The following NOX4 variants were observed in gnomAD, a reference collection of about 807,000 sequenced individuals.
The protein encoded by NOX4 is NADPH oxidase 4.
In NOX4, 69 loss-of-function variants were observed where a neutral mutation model predicts 87.6. That is an observed-to-expected ratio of 0.79 (90% confidence interval 0.65 to 0.96). NOX4 has a LOEUF of 0.96. Among genes scored for constraint, NOX4 ranks in the 40% least tolerant of loss-of-function variants. The pLI is 0.00. For synonymous variants in NOX4, 275 were observed against 238.2 expected (o/e 1.15, Z -1.42); for missense variants, 680 against 681.5 (o/e 1.00, Z 0.02).
chr11:89,395,521 G>T (rs1941424889), intron 11 of NOX4, among the ~76,000 whole-genome samples: 1 of 152,144 alleles, frequency 6.6e-6, no homozygotes, highest in East Asian at 1.9e-4. Context: ...GATCCCATTT[G>T]CCTATTTTGG....
At chr11:89,330,230 T>C (rs999003732) in intron 17 of NOX4, among the ~76,000 whole-genome samples, 1 of 152,008 alleles carries the variant, frequency 6.6e-6, no homozygotes, top group Non-Finnish European at 1.5e-5. Flanking sequence ...GCAACTGTAG[T>C]TCCAGCTACT....
chr11:89,477,715 T>C (rs776279512), intron 2 of NOX4, among the ~76,000 whole-genome samples: 11 of 152,176 alleles, frequency 7.2e-5, no homozygotes, highest in Non-Finnish European at 1.0e-4. Flanking sequence ...AATAATTCAC[T>C]GTTACTCTCC....
intron 8 of NOX4, among the ~76,000 whole-genome samples, chr11:89,405,604 A>T (rs1942124980): frequency 6.6e-6 from 1 of 150,822 alleles, no homozygotes; most frequent in Non-Finnish European, 1.5e-5. Context: ...CTAAAGACAG[A>T]CAATGATAAA....
chr11:89,465,136 C>T lies in NOX4; in HGVS notation c.154-13241G>A, dbSNP rs547419667. 2.6e-5 allele frequency among the ~76,000 whole-genome samples: 4 copies of T among 152,250 alleles called. No individual in the cohort carries two copies. In the South Asian group the frequency reaches 8.3e-4, roughly 32 times the overall value. ...GTATTTCTCCTAATGCTATCCCTCC[C>T]CTAGCCCCCCACCACCCAACAAGCC... On this transcript the variant is annotated intron_variant, in intron 2 of 17. Transcript: ENST00000263317.
chr11:89,519,267 T>A, the NOX4 span, among the ~76,000 whole-genome samples: 2 of 152,026 alleles, frequency 1.3e-5, no homozygotes, highest in Non-Finnish European at 2.9e-5. Context: ...GAAAATATCT[T>A]GTATTTTTAA....
At chr11:89,423,755 T>A (rs902403779) in intron 7 of NOX4, among the ~76,000 whole-genome samples, 1 of 151,520 alleles carries the variant, frequency 6.6e-6, no homozygotes. Flanking sequence ...TCCTTAAAAA[T>A]ATATATATAT....
the NOX4 span, among the ~76,000 whole-genome samples, chr11:89,517,213 G>T: frequency 6.6e-6 from 1 of 151,874 alleles, no homozygotes; most frequent in African/African-American, 2.4e-5. Flanking sequence ...TTCTAACAAG[G>T]ACCTTTTTCT....
At chr11:89,442,127 T>C (rs1944485154) in intron 5 of NOX4, among the ~76,000 whole-genome samples, 2 of 150,962 alleles carry the variant, frequency 1.3e-5, no homozygotes, top group African/African-American at 4.9e-5. Flanking sequence ...GCTAAATACA[T>C]ATTTATTAAA....
chr11:89,545,570 T>C, the NOX4 span: 1 of 152,114 alleles, frequency 6.6e-6, no homozygotes, highest in Non-Finnish European at 1.5e-5. Flanking sequence ...AATGTCACAA[T>C]AGAGAAATTT....
At chr11:89,401,035 T>C (rs147036656) in intron 9 of NOX4, among the ~76,000 whole-genome samples, 2,033 of 152,214 alleles carry the variant, frequency 0.013, 55 homozygotes, top group African/African-American at 0.046. Context: ...CATGCAAACT[T>C]TGGGAAGTGC....
chr11:89,534,610 C>A, the NOX4 span, among the ~76,000 whole-genome samples: 416 of 152,300 alleles, frequency 2.7e-3, 3 homozygotes, highest in African/African-American at 9.5e-3. Flanking sequence ...GGCCTTATCC[C>A]GGGGACTGAG....
chr11:89,432,404 T>C (rs1434276621), intron 7 of NOX4, among the ~76,000 whole-genome samples: 1 of 151,894 alleles, frequency 6.6e-6, no homozygotes, highest in Non-Finnish European at 1.5e-5. Flanking sequence ...TTAAAAATAA[T>C]GAAATAATAA....
the NOX4 span, among the ~76,000 whole-genome samples, chr11:89,528,793 G>T: frequency 2.0e-4 from 30 of 152,170 alleles, no homozygotes; most frequent in African/African-American, 6.7e-4. Flanking sequence ...GATGAAATTG[G>T]ACTAATATAA....
chr11:89,506,129 G>T, the NOX4 span, among the ~76,000 whole-genome samples: 1 of 151,686 alleles, frequency 6.6e-6, no homozygotes, highest in Non-Finnish European at 1.5e-5. Flanking sequence ...ACTGATTTGT[G>T]ACAATGTTTA....
At chr11:89,564,329 G>A in the NOX4 span, among the ~76,000 whole-genome samples, 2 of 152,260 alleles carry the variant, frequency 1.3e-5, no homozygotes, top group South Asian at 4.1e-4. Flanking sequence ...GTGAAAGCAG[G>A]CATGTCTTAC....
At chr11:89,545,547 T>C in the NOX4 span, 1 of 152,078 alleles carries the variant, frequency 6.6e-6, no homozygotes, top group East Asian at 1.9e-4. Context: ...TAACCTTCAA[T>C]GTAAGTATTA....
chr11:89,331,684 C>A (rs1945478757), intron 17 of NOX4, among the ~76,000 whole-genome samples: 1 of 151,476 alleles, frequency 6.6e-6, no homozygotes, highest in African/African-American at 2.4e-5. Context: ...TTCAGATTTC[C>A]TAAAGGCCCT....
the NOX4 span, among the ~76,000 whole-genome samples, chr11:89,533,187 A>G: frequency 1.3e-5 from 2 of 152,212 alleles, no homozygotes; most frequent in African/African-American, 4.8e-5. Flanking sequence ...CACTTATATG[A>G]GGTATATTTT....
chr11:89,417,469 A>G (rs1328365114), intron 8 of NOX4, among the ~76,000 whole-genome samples: 1 of 152,160 alleles, frequency 6.6e-6, no homozygotes, highest in Non-Finnish European at 1.5e-5. Context: ...AAATCAAAAC[A>G]AAAAATTCCT....
Sources: allele counts gnomAD v4.1 joint callset (sites outside exome capture counted in the v4.1 genomes callset), GRCh38; gene constraint gnomAD v4.1.1; transcripts MANE v1.5; gene names NCBI Gene and HGNC (gene_info 2026-07-23, HGNC 2026-07-21).